The following SMAD6 variants were observed in gnomAD, a reference collection of about 807,000 sequenced individuals.
SMAD6 encodes the protein MAD homolog 6.
Under a neutral mutation model 39.4 loss-of-function variants are expected in SMAD6, and 103 were observed. The observed-to-expected ratio is 2.62, with a 90% confidence interval of 2.23 to 3.08. The LOEUF (loss-of-function observed/expected upper bound fraction) is 3.08. Among genes scored for constraint, SMAD6 ranks in the 30% most tolerant of loss-of-function variants. The pLI is 0.00. For synonymous variants in SMAD6, 445 were observed against 353.3 expected, an observed-to-expected ratio of 1.26 and a Z score of -2.91; for missense variants, 1,104 against 742.9, an observed-to-expected ratio of 1.49 and a Z score of -5.65.
In SMAD6 at chr15:66,703,863, C is replaced by G; in HGVS notation, c.605C>G (p.Pro202Arg). 7.5e-7 allele frequency: 1 copy of G among 1,340,192 alleles called. No homozygotes were observed. The highest frequency in any genetic ancestry group is 9.6e-7 in the Non-Finnish European group (1 of 1,036,396). The allele number at this position is 1,340,192 out of a possible 1,614,324, so 83.0% of individuals were successfully genotyped here. ...LEAVESRGGV[P>R]GGCVLVPRAD... ...GCGGTGGAGTCCCGCGGCGGCGTGC[C>G]GGGCGGCTGCGTGCTGGTGCCGCGC... is the stretch of plus-strand genomic sequence containing the variant. The change falls in exon 1 of 4, where the codon CCG (proline) becomes CGG (arginine). Residue 202 changes from proline to arginine, a missense_variant. Pro to Arg is a moderately radical substitution (Grantham distance 103). Coordinates refer to ENST00000288840, the MANE Select transcript of SMAD6 (RefSeq NM_005585.5).
intron 3 of SMAD6, among the ~76,000 whole-genome samples, chr15:66,758,977 G>T (rs961945049): frequency 3.3e-5 from 5 of 152,168 alleles, no homozygotes; most frequent in Non-Finnish European, 7.3e-5. Context: ...CTGTAAAATG[G>T]ATAGTAAACA....
chr15:66,754,417 T>TGG (rs1215012308), intron 3 of SMAD6, among the ~76,000 whole-genome samples: 1 of 152,224 alleles, frequency 6.6e-6, no homozygotes, highest in Admixed American at 6.5e-5. Context: ...CACTTGCACG[T>TGG]GGACATACAC....
intron 3 of SMAD6, among the ~76,000 whole-genome samples, chr15:66,718,761 G>T (rs1009385265): frequency 6.6e-5 from 10 of 152,168 alleles, no homozygotes; most frequent in African/African-American, 2.4e-4. Context: ...CAAAGACATG[G>T]GGCTGTGCTG....
chr15:66,752,919 C>T (rs916358192), intron 3 of SMAD6, among the ~76,000 whole-genome samples: 1 of 152,192 alleles, frequency 6.6e-6, no homozygotes, highest in African/African-American at 2.4e-5. Flanking sequence ...ATGTTTGGCA[C>T]AGGAGACAGC....
chr15:66,743,691 T>C (rs1006970444), intron 3 of SMAD6, among the ~76,000 whole-genome samples: 1 of 152,274 alleles, frequency 6.6e-6, no homozygotes, highest in African/African-American at 2.4e-5. Flanking sequence ...AATAATTATA[T>C]TATTCTTCTT....
In SMAD6 at chr15:66,774,600, C is replaced by T. The variant is rs535962873; in HGVS notation, c.953-6397C>T. Reference sequence around the variant, plus strand: ...GGCCACTGTGGAGCCCTGCTGGGGCCGCTCTAGGACAGCCACAGGACATTG... The same window carrying T: ...GGCCACTGTGGAGCCCTGCTGGGGCTGCTCTAGGACAGCCACAGGACATTG... On this transcript the variant is annotated intron_variant, in intron 3 of 3. Coordinates refer to ENST00000288840, the MANE Select transcript of SMAD6 (RefSeq NM_005585.5). 5.3e-5 allele frequency among the ~76,000 whole-genome samples: 8 copies of T among 152,250 alleles called. No individual in the cohort carries two copies. In the South Asian group the frequency reaches 1.5e-3, roughly 28 times the overall value.
At chr15:66,738,268 A>T (rs889852606) in intron 3 of SMAD6, among the ~76,000 whole-genome samples, 2 of 152,210 alleles carry the variant, frequency 1.3e-5, no homozygotes, top group African/African-American at 2.4e-5. Context: ...AGACAGGCCC[A>T]TGGAGCCAGG....
intron 3 of SMAD6, among the ~76,000 whole-genome samples, chr15:66,728,305 G>A (rs528323048): frequency 6.6e-6 from 1 of 152,200 alleles, no homozygotes; most frequent in African/African-American, 2.4e-5. Context: ...TAGTTTTCTG[G>A]TTTTTGAACC....
intron 3 of SMAD6, among the ~76,000 whole-genome samples, chr15:66,745,612 T>C (rs1016046436): frequency 6.6e-6 from 1 of 152,208 alleles, no homozygotes; most frequent in African/African-American, 2.4e-5. Flanking sequence ...TGAATCTATT[T>C]TGTTGATGAG....
intron 3 of SMAD6, among the ~76,000 whole-genome samples, chr15:66,732,094 C>A (rs1893641497): frequency 1.3e-5 from 2 of 151,932 alleles, no homozygotes; most frequent in Non-Finnish European, 2.9e-5. Context: ...CAGGCATGCG[C>A]CACCACACCC....
intron 2 of SMAD6, among the ~76,000 whole-genome samples, chr15:66,714,386 TA>T (rs141664155): frequency 0.12 from 17,676 of 150,390 alleles, 1,059 homozygotes; most frequent in South Asian, 0.15. Flanking sequence ...TTGAAGTGGT[TA>T]AAAAAAAAAT....
chr15:66,752,674 G>A (rs1196380718), intron 3 of SMAD6, among the ~76,000 whole-genome samples: 1 of 152,058 alleles, frequency 6.6e-6, no homozygotes, highest in Non-Finnish European at 1.5e-5. Context: ...CATGCCTGTA[G>A]TCCCAGCTAC....
At position 66,703,400 on chromosome 15, in the gene SMAD6, C is replaced by A; in HGVS notation, c.142C>A (p.Arg48=). 1.4e-6 allele frequency: 2 copies of A among 1,394,820 alleles called. No homozygotes were observed. The highest frequency in any genetic ancestry group is 9.3e-7 in the Non-Finnish European group (1 of 1,073,620). 86.4% of individuals were successfully genotyped at this position (1,394,820 alleles called of 1,614,324 possible). A position where few individuals can be genotyped will look rare whatever the true frequency, so the allele number is the denominator to read the frequency against. The change falls in exon 1 of 4, where the codon CGG becomes AGG. Residue 48 remains arginine (R), a synonymous_variant. Transcript: ENST00000288840. Reference sequence around the variant, plus strand: ...GGGCAGCCGAGCTGAGCCGGCCCCGCGGGCAAGAGAGGGCGGAGGCTGCGG... The same window carrying A: ...GGGCAGCCGAGCTGAGCCGGCCCCGAGGGCAAGAGAGGGCGGAGGCTGCGG... ...SLGSRAEPAP[R]AREGGGCGRS... is the part of the protein sequence containing the mutation.
At chr15:66,718,138 G>C (rs1164245955) in intron 3 of SMAD6, among the ~76,000 whole-genome samples, 2 of 151,718 alleles carry the variant, frequency 1.3e-5, no homozygotes, top group Admixed American at 1.3e-4. Flanking sequence ...GTGTGTGTGT[G>C]TGTGTGTGTG....
At chr15:66,721,767 TAA>T (rs920751766) in intron 3 of SMAD6, among the ~76,000 whole-genome samples, 1 of 152,130 alleles carries the variant, frequency 6.6e-6, no homozygotes, top group African/African-American at 2.4e-5. Flanking sequence ...GGCACAGAGA[TAA>T]AAGTTACATT....
chr15:66,773,022 G>A (rs1279614386), intron 3 of SMAD6, among the ~76,000 whole-genome samples: 3 of 152,156 alleles, frequency 2.0e-5, no homozygotes, highest in Admixed American at 6.5e-5. Flanking sequence ...ACCCCCAGCC[G>A]ACTAGCTGAG....
chr15:66,721,034 CT>C (rs1470911604), intron 3 of SMAD6, among the ~76,000 whole-genome samples: 1 of 152,176 alleles, frequency 6.6e-6, no homozygotes, highest in Non-Finnish European at 1.5e-5. Flanking sequence ...ATGTGGGTAT[CT>C]TTCCTCCACC....
chr15:66,765,132 C>A (rs1350268201), intron 3 of SMAD6, among the ~76,000 whole-genome samples: 1 of 152,208 alleles, frequency 6.6e-6, no homozygotes, highest in Non-Finnish European at 1.5e-5. Context: ...CCCTGTTATC[C>A]CCACTACCCC....
chr15:66,774,449 AT>A (rs571118924), intron 3 of SMAD6, among the ~76,000 whole-genome samples: 251 of 152,078 alleles, frequency 1.7e-3, no homozygotes, highest in Non-Finnish European at 8.8e-4. Context: ...AGAGGGGCCG[AT>A]TTCTGTGCAG....
Sources: gnomAD v4.1 joint callset for allele counts (sites outside exome capture counted in the v4.1 genomes callset) on GRCh38, gnomAD v4.1.1 for gene constraint, MANE v1.5 for transcripts, NCBI Gene and HGNC (gene_info 2026-07-23, HGNC 2026-07-21) for gene names.